The following FBXO34 variants were observed in gnomAD, a reference collection of about 807,000 sequenced individuals.
FBXO34 encodes F-box only protein 34.
FBXO34 carries 12 observed loss-of-function variants against 24.5 expected under a neutral mutation model. The observed-to-expected ratio is 0.49, with a 90% CI of 0.31 to 0.79. FBXO34 has a LOEUF of 0.79. Among genes scored for constraint, FBXO34 ranks in the 30% least tolerant of loss-of-function variants. The pLI is 0.04. For synonymous variants in FBXO34, 320 were observed against 311.9 expected (o/e 1.03, Z -0.27); for missense variants, 823 against 857.7 (o/e 0.96, Z 0.51).
At chr14:55,436,584 A>G in the FBXO34 span, 7 of 1,614,204 alleles carry the variant, frequency 4.3e-6, no homozygotes, top group South Asian at 5.5e-5. Context: ...CAATTCCACA[A>G]CATTCTGAAA....
At chr14:55,371,814 CAAA>C (rs999427813), downstream of FBXO34, among the ~76,000 whole-genome samples, 8 of 150,336 alleles carry the variant, frequency 5.3e-5, no homozygotes, top group Non-Finnish European at 1.0e-4. Context: ...AAAAAACAAA[CAAA>C]AAAACAAAGA....
At chr14:55,299,315 G>A (rs1195908734) in intron 1 of FBXO34, 1 of 528,594 alleles carries the variant, frequency 1.9e-6, no homozygotes, top group South Asian at 1.7e-5. Flanking sequence ...CATCGCTCTC[G>A]ACTCTCACTC....
chr14:55,322,235 G>A (rs1448916297), intron 1 of FBXO34, among the ~76,000 whole-genome samples: 1 of 151,314 alleles, frequency 6.6e-6, no homozygotes, highest in Non-Finnish European at 1.5e-5. Context: ...GCGTGAACCC[G>A]GGAGGCGGAG....
chr14:55,432,086 A>G, the FBXO34 span, among the ~76,000 whole-genome samples: 1 of 152,178 alleles, frequency 6.6e-6, no homozygotes, highest in African/African-American at 2.4e-5. Context: ...TAAAATGAGT[A>G]TACCCTTCAA....
At chr14:55,340,571 CT>C (rs33963313) in intron 1 of FBXO34, among the ~76,000 whole-genome samples, 1 of 151,912 alleles carries the variant, frequency 6.6e-6, no homozygotes. Flanking sequence ...ATTTTAGCCT[CT>C]TTTTTTCTTT....
downstream of FBXO34, among the ~76,000 whole-genome samples, chr14:55,374,092 G>A (rs1377242649): frequency 6.6e-6 from 1 of 152,238 alleles, no homozygotes; most frequent in Non-Finnish European, 1.5e-5. Flanking sequence ...CCTCCAGTAT[G>A]AGTGCTTTTT....
the FBXO34 span, among the ~76,000 whole-genome samples, chr14:55,422,043 G>T: frequency 6.6e-6 from 1 of 152,260 alleles, no homozygotes; most frequent in East Asian, 1.9e-4. Flanking sequence ...GATATACCAT[G>T]AGTATTAAAG....
chr14:55,307,755 T>C lies in FBXO34; in HGVS notation c.-11+36218T>C, dbSNP rs146541661. Among the ~76,000 whole-genome samples, 47 of 152,348 alleles carry C rather than the reference T, an allele frequency of 3.1e-4. No individual in the cohort carries two copies. The East Asian group carries it at 9.1e-3, about 29-fold the overall frequency. ...AATTAGAAAAGTTTCCTTGTTGCTT[T>C]AGGAGGTTACCTCTAAATTATATAT... is the stretch of plus-strand genomic sequence containing the variant. On this transcript the variant is annotated intron_variant, in intron 1 of 1. Coordinates refer to ENST00000313833, the MANE Select transcript of FBXO34 (RefSeq NM_017943.4).
At chr14:55,398,407 G>A in the FBXO34 span, among the ~76,000 whole-genome samples, 1 of 152,080 alleles carries the variant, frequency 6.6e-6, no homozygotes, top group African/African-American at 2.4e-5. Context: ...ATCACATGAA[G>A]TTTAAAATCT....
the FBXO34 span, among the ~76,000 whole-genome samples, chr14:55,412,477 C>T: frequency 6.6e-6 from 1 of 152,184 alleles, no homozygotes; most frequent in South Asian, 2.1e-4. Flanking sequence ...ACGTGGCTAA[C>T]GTACCTTCCC....
chr14:55,344,597 C>T (rs1307426693), intron 1 of FBXO34, among the ~76,000 whole-genome samples: 1 of 149,284 alleles, frequency 6.7e-6, no homozygotes, highest in Admixed American at 6.7e-5. Flanking sequence ...GCAGAATTTG[C>T]AGGTTTGTTA....
At chr14:55,380,957 G>T in the FBXO34 span, among the ~76,000 whole-genome samples, 2 of 147,608 alleles carry the variant, frequency 1.4e-5, no homozygotes, top group African/African-American at 5.0e-5. Context: ...ATTAAAGTCT[G>T]ACCTGTGTGA....
chr14:55,380,219 G>GCCT, the FBXO34 span, among the ~76,000 whole-genome samples: 1 of 151,994 alleles, frequency 6.6e-6, no homozygotes, highest in African/African-American at 2.4e-5. Flanking sequence ...CTGCACTCTG[G>GCCT]CCTGGGCGAC....
the FBXO34 span, among the ~76,000 whole-genome samples, chr14:55,399,174 A>G: frequency 6.6e-6 from 1 of 152,232 alleles, no homozygotes; most frequent in African/African-American, 2.4e-5. Context: ...TTTAATAGTC[A>G]CTGAAAATGC....
chr14:55,280,967 A>C (rs939823822), intron 1 of FBXO34, among the ~76,000 whole-genome samples: 5 of 152,212 alleles, frequency 3.3e-5, no homozygotes, highest in African/African-American at 9.6e-5. Flanking sequence ...CACATTAAAA[A>C]AGGAAAAAGA....
intron 1 of FBXO34, chr14:55,298,642 C>G (rs117960693): frequency 2.1e-6 from 3 of 1,449,366 alleles, no homozygotes; most frequent in Non-Finnish European, 2.8e-6. Context: ...GCGCGGCGAG[C>G]GCTGTTCGGG....
At chr14:55,289,322 A>C (rs57787897) in intron 1 of FBXO34, among the ~76,000 whole-genome samples, 2,895 of 152,246 alleles carry the variant, frequency 0.019, 89 homozygotes, top group African/African-American at 0.062. Flanking sequence ...CAAAATTTCA[A>C]AAAAGTTTGT....
At chr14:55,316,560 C>T (rs1018322504) in intron 1 of FBXO34, among the ~76,000 whole-genome samples, 3 of 119,810 alleles carry the variant, frequency 2.5e-5, no homozygotes, top group East Asian at 4.7e-4. Context: ...AACCCTGTCT[C>T]TACCAAAAAA....
chr14:55,352,608 CT>C lies in FBXO34; in HGVS notation c.*83del. On this transcript the variant is annotated 3_prime_UTR_variant, in exon 2 of 2. Coordinates refer to ENST00000313833, the MANE Select transcript of FBXO34 (RefSeq NM_017943.4). Reference sequence around the variant, plus strand: ...ACACCGTTCAAATGAGCGTAGCCCCCTGAGTCATCACTCTAGAAGAATCTGT... The same window carrying C: ...ACACCGTTCAAATGAGCGTAGCCCCCGAGTCATCACTCTAGAAGAATCTGT... 8.8e-7 allele frequency: 1 copy of C among 1,130,234 alleles called. No homozygotes were observed. Among genetic ancestry groups the C allele is most frequent in the Non-Finnish European group, 1.2e-6 (1 of 802,534 alleles). 70.0% of individuals were successfully genotyped at this position (1,130,234 alleles called of 1,614,324 possible).
Sources: gnomAD v4.1 joint callset for allele counts (sites outside exome capture counted in the v4.1 genomes callset) on GRCh38, gnomAD v4.1.1 for gene constraint, MANE v1.5 for transcripts, NCBI Gene and HGNC (gene_info 2026-07-23, HGNC 2026-07-21) for gene names.